Variants in TMEM132C observed in about 807,000 individuals in gnomAD.
TMEM132C encodes the protein transmembrane protein 132C.
In TMEM132C, 29 loss-of-function variants were observed where a neutral mutation model predicts 61.4. That is an observed-to-expected ratio of 0.47 (90% confidence interval 0.35 to 0.64). TMEM132C has a LOEUF of 0.64. TMEM132C is among the 30% of genes least tolerant of loss of function. The probability of loss-of-function intolerance (pLI) is 0.00; values close to 1 mark genes in which losing one functional copy is unlikely to be tolerated. For missense variants in TMEM132C, 1,408 were observed against 1,476.9 expected, an observed-to-expected ratio of 0.95 and a Z score of 0.76; for synonymous variants, 656 against 633.1, an observed-to-expected ratio of 1.04 and a Z score of -0.54.
At chr12:128,507,876 G>A (rs1355316396) in intron 2 of TMEM132C, among the ~76,000 whole-genome samples, 1 of 152,198 alleles carries the variant, frequency 6.6e-6, no homozygotes, top group Non-Finnish European at 1.5e-5. Flanking sequence ...ATTTTGTAAA[G>A]TGGGATTAAG....
At chr12:128,454,957 G>T (rs1565941243) in intron 2 of TMEM132C, among the ~76,000 whole-genome samples, 1 of 152,188 alleles carries the variant, frequency 6.6e-6, no homozygotes, top group East Asian at 1.9e-4. Context: ...AGAGCAGGTG[G>T]GGTTGACTTG....
At chr12:128,587,154 A>G (rs1273521587) in intron 3 of TMEM132C, among the ~76,000 whole-genome samples, 1 of 152,224 alleles carries the variant, frequency 6.6e-6, no homozygotes, top group Non-Finnish European at 1.5e-5. Flanking sequence ...CTGGCCAAAT[A>G]GGCCTTATTG....
At chr12:128,409,240 G>A (rs1868435685) in intron 1 of TMEM132C, among the ~76,000 whole-genome samples, 1 of 152,124 alleles carries the variant, frequency 6.6e-6, no homozygotes, top group Admixed American at 6.6e-5. Flanking sequence ...GGTTGCTTGT[G>A]GTCCTTCTGT....
At chr12:128,283,557 T>C (rs2135901302) in intron 1 of TMEM132C, among the ~76,000 whole-genome samples, 1 of 152,264 alleles carries the variant, frequency 6.6e-6, no homozygotes. Context: ...CCTCTGTCTG[T>C]CTCTCTCTAC....
chr12:128,313,094 G>T (rs1309808126), intron 1 of TMEM132C, among the ~76,000 whole-genome samples: 1 of 152,212 alleles, frequency 6.6e-6, no homozygotes, highest in Non-Finnish European at 1.5e-5. Flanking sequence ...GCAGCCTCCG[G>T]CCTGCAAGGG....
At chr12:128,445,197 T>TTA (rs1555224814) in intron 2 of TMEM132C, among the ~76,000 whole-genome samples, 1 of 149,262 alleles carries the variant, frequency 6.7e-6, no homozygotes, top group Non-Finnish European at 1.5e-5. Context: ...AAATGTTACA[T>TTA]AAAAAAAAAA....
At chr12:128,389,649 G>A (rs1347821606) in intron 1 of TMEM132C, among the ~76,000 whole-genome samples, 1 of 152,080 alleles carries the variant, frequency 6.6e-6, no homozygotes, top group African/African-American at 2.4e-5. Flanking sequence ...TGAGGATTTG[G>A]GGAAGAGCAT....
chr12:128,421,166 C>T (rs922668589), intron 2 of TMEM132C, among the ~76,000 whole-genome samples: 2 of 152,172 alleles, frequency 1.3e-5, no homozygotes, highest in Admixed American at 6.5e-5. Flanking sequence ...TCTCCCCTTC[C>T]GAGTCTCTAG....
At position 128,397,090 on chromosome 12, in the gene TMEM132C, AC is replaced by A. The variant is rs533659689; in HGVS notation, c.86-17638del. Among the ~76,000 whole-genome samples, 27 of 151,986 alleles carry A rather than the reference AC, an allele frequency of 1.8e-4. No individual in the cohort carries two copies. The East Asian group carries it at 5.1e-3, about 29-fold the overall frequency. On this transcript the variant is annotated intron_variant, in intron 1 of 8. Coordinates refer to ENST00000435159, the MANE Select transcript of TMEM132C (RefSeq NM_001136103.3). ...CCCCCACCATACATCAGCAGCTGTG[AC>A]CCCTGGCAGCTACTCCCCACAGCCT...
intron 2 of TMEM132C, among the ~76,000 whole-genome samples, chr12:128,528,088 G>C (rs142556120): frequency 4.6e-5 from 7 of 152,166 alleles, no homozygotes; most frequent in Admixed American, 6.5e-5. Flanking sequence ...TCGTTGTTAC[G>C]ATTGGACATA....
intron 2 of TMEM132C, among the ~76,000 whole-genome samples, chr12:128,537,179 G>T (rs1166795648): frequency 6.6e-6 from 1 of 152,164 alleles, no homozygotes; most frequent in Non-Finnish European, 1.5e-5. Flanking sequence ...TGAAGCAGAG[G>T]ACATGAAACC....
At chr12:128,344,334 ATTT>A (rs1282927658) in intron 1 of TMEM132C, among the ~76,000 whole-genome samples, 4 of 151,838 alleles carry the variant, frequency 2.6e-5, no homozygotes, top group African/African-American at 4.8e-5. Flanking sequence ...ATTTTTTTGT[ATTT>A]TTAGTAGAGA....
At chr12:128,561,739 C>A (rs965440341) in intron 3 of TMEM132C, among the ~76,000 whole-genome samples, 1 of 152,204 alleles carries the variant, frequency 6.6e-6, no homozygotes, top group Non-Finnish European at 1.5e-5. Flanking sequence ...GGGCCAATTG[C>A]TTGCAAAAGA....
In TMEM132C at chr12:128,267,394, G is replaced by C. The variant is rs1395992260; in HGVS notation, c.-9G>C. On this transcript the variant is annotated 5_prime_UTR_variant, in exon 1 of 9. Coordinates refer to ENST00000435159, the MANE Select transcript of TMEM132C (RefSeq NM_001136103.3). ...TGGCGGCGGGCTGCGTGAGCGGCCG[G>C]GACGCAGGATGCGCTCCGAGGGTGC... The C allele has an allele frequency of 8.6e-6, 10 of 1,165,612 alleles. No individual in the cohort carries two copies. The highest frequency in any genetic ancestry group is 1.1e-5 in the Non-Finnish European group (10 of 946,780). The allele number at this position is 1,165,612 out of a possible 1,614,324, so 72.2% of individuals were successfully genotyped here. A position where few individuals can be genotyped will look rare whatever the true frequency, so the allele number is the denominator to read the frequency against.
chr12:128,285,947 T>C (rs1195694051), intron 1 of TMEM132C, among the ~76,000 whole-genome samples: 25 of 44,836 alleles, frequency 5.6e-4, no homozygotes, highest in South Asian at 7.7e-4. Flanking sequence ...CTTTCTCTCT[T>C]TCTCTCTCTC....
At chr12:128,476,499 G>A (rs566428096) in intron 2 of TMEM132C, among the ~76,000 whole-genome samples, 17 of 152,190 alleles carry the variant, frequency 1.1e-4, no homozygotes, top group Non-Finnish European at 2.2e-4. Context: ...TGGAAGTGGA[G>A]CATTTCCTGT....
At chr12:128,625,878 T>C (rs1233716972) in intron 4 of TMEM132C, among the ~76,000 whole-genome samples, 1 of 152,154 alleles carries the variant, frequency 6.6e-6, no homozygotes. Context: ...TTTCAGCATA[T>C]GAATTTGGGG....
chr12:128,695,620 C>A (rs1954754519), intron 6 of TMEM132C, among the ~76,000 whole-genome samples: 1 of 152,144 alleles, frequency 6.6e-6, no homozygotes, highest in Non-Finnish European at 1.5e-5. Context: ...TACATATTAG[C>A]CCTTGTCTTT....
intron 3 of TMEM132C, among the ~76,000 whole-genome samples, chr12:128,597,743 A>G (rs1244521983): frequency 6.6e-6 from 1 of 152,234 alleles, no homozygotes; most frequent in East Asian, 1.9e-4. Context: ...CAAGATTTCC[A>G]ATGGTGTTAA....
Sources: gnomAD v4.1 joint callset for allele counts (sites outside exome capture counted in the v4.1 genomes callset) on GRCh38, gnomAD v4.1.1 for gene constraint, MANE v1.5 for transcripts, NCBI Gene and HGNC (gene_info 2026-07-23, HGNC 2026-07-21) for gene names.